Variants in AKAP6 observed in about 807,000 individuals in gnomAD.
The protein encoded by AKAP6 is A-kinase anchoring protein 6, also known as A-kinase anchor protein 6.
A neutral mutation model predicts 188.5 loss-of-function variants in AKAP6; 58 were observed. The observed-to-expected ratio is 0.31, with a 90% CI of 0.25 to 0.38. The LOEUF is 0.38. Among genes scored for constraint, AKAP6 ranks in the 10% least tolerant of loss-of-function variants. The pLI, the probability that AKAP6 is intolerant of heterozygous loss-of-function variation, is 1.00. For synonymous variants in AKAP6, 989 were observed against 998.6 expected, an observed-to-expected ratio of 0.99 and a Z score of 0.18; for missense variants, 2,710 against 2,740.0, an observed-to-expected ratio of 0.99 and a Z score of 0.24.
At position 32,833,581 on chromosome 14, in the gene AKAP6, C is replaced by G. The variant is rs1341841598; in HGVS notation, c.*3776C>G. On this transcript the variant is annotated 3_prime_UTR_variant, in exon 14 of 14. Transcript: ENST00000280979. ...GCTTCTGGAAACCTGAGTTTGATGA[C>G]TTTGTTGTGTTTGGTTCATCCGGAC... is the stretch of plus-strand genomic sequence containing the variant. 1 of 152,104 alleles carries G rather than the reference C, an allele frequency of 6.6e-6. No homozygotes were observed. The highest frequency in any genetic ancestry group is 1.5e-5 in the Non-Finnish European group (1 of 68,008). The allele number at this position is 152,104 out of a possible 1,614,324, so 9.4% of individuals were successfully genotyped here.
chr14:32,351,634 G>A (rs907033551), intron 1 of AKAP6, among the ~76,000 whole-genome samples: 1 of 151,270 alleles, frequency 6.6e-6, no homozygotes, highest in African/African-American at 2.4e-5. Flanking sequence ...TTTTAGTAAA[G>A]ACTAAGAAAA....
intron 12 of AKAP6, among the ~76,000 whole-genome samples, chr14:32,791,655 T>TTGCAATTGCTTTTGG (rs1463318809): frequency 1.3e-5 from 2 of 152,214 alleles, no homozygotes; most frequent in African/African-American, 2.4e-5. Flanking sequence ...TTGGCTTTTG[T>TTGCAATTGCTTTTGG]TGCAATTGCT....
At chr14:32,518,854 G>T (rs1226708258) in intron 2 of AKAP6, among the ~76,000 whole-genome samples, 3 of 152,144 alleles carry the variant, frequency 2.0e-5, no homozygotes, top group Non-Finnish European at 4.4e-5. Context: ...ATGCCACAAA[G>T]ATACTCCTTG....
intron 4 of AKAP6, among the ~76,000 whole-genome samples, chr14:32,575,148 A>C (rs1884661070): frequency 6.6e-6 from 1 of 152,166 alleles, no homozygotes; most frequent in Non-Finnish European, 1.5e-5. Flanking sequence ...TAAAAGAGTC[A>C]AGTATTTGGG....
At chr14:32,418,603 T>A (rs1313374715) in intron 1 of AKAP6, among the ~76,000 whole-genome samples, 2 of 152,190 alleles carry the variant, frequency 1.3e-5, no homozygotes, top group Non-Finnish European at 2.9e-5. Flanking sequence ...AAAAAAAATC[T>A]TGTTTCTGTC....
intron 1 of AKAP6, among the ~76,000 whole-genome samples, chr14:32,345,721 G>C (rs1055505300): frequency 3.3e-5 from 5 of 152,176 alleles, no homozygotes; most frequent in African/African-American, 1.2e-4. Flanking sequence ...GCCATTCCCT[G>C]GACTCTGGCC....
intron 2 of AKAP6, among the ~76,000 whole-genome samples, chr14:32,440,967 C>T (rs1221588986): frequency 2.0e-5 from 3 of 152,050 alleles, no homozygotes; most frequent in Non-Finnish European, 4.4e-5. Context: ...AAGGGCTCTA[C>T]CCTCATGAAT....
At chr14:32,649,066 C>T (rs1888101582) in intron 7 of AKAP6, among the ~76,000 whole-genome samples, 1 of 152,044 alleles carries the variant, frequency 6.6e-6, no homozygotes, top group African/African-American at 2.4e-5. Flanking sequence ...GCTTGAGCAG[C>T]AGAAATGAAA....
chr14:32,496,248 A>G (rs1880307428), intron 2 of AKAP6, among the ~76,000 whole-genome samples: 1 of 152,208 alleles, frequency 6.6e-6, no homozygotes, highest in South Asian at 2.1e-4. Flanking sequence ...TAAAATGAAT[A>G]GAGAGTTACA....
At chr14:32,331,898 C>T (rs1594509966) in intron 1 of AKAP6, among the ~76,000 whole-genome samples, 1 of 152,084 alleles carries the variant, frequency 6.6e-6, no homozygotes, top group East Asian at 1.9e-4. Context: ...TTCACAAATA[C>T]ATTACAAAGT....
chr14:32,551,216 C>A lies in AKAP6; in HGVS notation c.2346+4217C>A, dbSNP rs186411191. Among the ~76,000 whole-genome samples the A allele has an allele frequency of 3.3e-5, 5 of 152,220 alleles. No individual in the cohort carries two copies. The East Asian group carries it at 7.7e-4, about 24-fold the overall frequency. ...ATGCCCTCATTTATAATTCCTTCAC[C>A]TGTTCCAAGTCTCAGCTAAAATATT... is the stretch of plus-strand genomic sequence containing the variant. On this transcript the variant is annotated intron_variant, in intron 4 of 13. Transcript: ENST00000280979.
At chr14:32,611,757 C>G (rs994393057) in intron 7 of AKAP6, among the ~76,000 whole-genome samples, 1 of 151,862 alleles carries the variant, frequency 6.6e-6, no homozygotes, top group African/African-American at 2.4e-5. Context: ...TTTCATGGAG[C>G]GAGAGTGAAC....
intron 11 of AKAP6, among the ~76,000 whole-genome samples, chr14:32,748,333 A>T (rs890285546): frequency 2.6e-5 from 4 of 152,170 alleles, no homozygotes; most frequent in African/African-American, 7.2e-5. Context: ...CAGGTTTCTT[A>T]TCTTACAAAC....
At chr14:32,508,273 A>G (rs951160967) in intron 2 of AKAP6, among the ~76,000 whole-genome samples, 2 of 152,228 alleles carry the variant, frequency 1.3e-5, no homozygotes, top group Non-Finnish European at 2.9e-5. Context: ...TCAGTGAAGA[A>G]TGATTGCCTT....
intron 11 of AKAP6, among the ~76,000 whole-genome samples, chr14:32,743,479 G>GT (rs2031764918): frequency 6.6e-6 from 1 of 151,932 alleles, no homozygotes; most frequent in Non-Finnish European, 1.5e-5. Flanking sequence ...TAGTAAAGGT[G>GT]TTTTTCTCTG....
chr14:32,525,306 G>A (rs1882065513), intron 2 of AKAP6, among the ~76,000 whole-genome samples: 1 of 152,166 alleles, frequency 6.6e-6, no homozygotes, highest in Non-Finnish European at 1.5e-5. Flanking sequence ...GGTATTTAAA[G>A]TGATAGCTCA....
rs896533991 is a variant in AKAP6, at chr14:32,821,617, T to C, written c.3804T>C (p.His1268=). 7 of 1,613,600 alleles carry C rather than the reference T, an allele frequency of 4.3e-6. No individual in the cohort carries two copies. The Admixed American group carries it at 1.0e-4, about 23-fold the overall frequency. ...GTTATGACGAGGAGGCTGATAACCA[T>C]GGGGGATCTCAGTATGCCTCAAATA... ...DPGYDEEADN[H]GGSQYASNIT... Residue 1268 remains histidine (H), a synonymous_variant, in exon 13 of 14, where the codon CAT becomes CAC. Coordinates refer to ENST00000280979, the MANE Select transcript of AKAP6 (RefSeq NM_004274.5).
intron 7 of AKAP6, among the ~76,000 whole-genome samples, chr14:32,638,358 C>T (rs957788644): frequency 3.3e-5 from 5 of 152,064 alleles, no homozygotes; most frequent in African/African-American, 4.8e-5. Context: ...TGTGGCCTAA[C>T]GGACAATATA....
At chr14:32,522,641 T>A (rs1881902905) in intron 2 of AKAP6, among the ~76,000 whole-genome samples, 1 of 152,172 alleles carries the variant, frequency 6.6e-6, no homozygotes, top group South Asian at 2.1e-4. Flanking sequence ...CACAATGAGA[T>A]ACCATCTCAC....
Sources: allele counts gnomAD v4.1 joint callset (sites outside exome capture counted in the v4.1 genomes callset), GRCh38; gene constraint gnomAD v4.1.1; transcripts MANE v1.5; gene names NCBI Gene and HGNC (gene_info 2026-07-23, HGNC 2026-07-21).